RAB12: variants seen among roughly 807,000 people sequenced by gnomAD.
The protein encoded by RAB12 is ras-related protein Rab-12.
RAB12 carries 11 observed loss-of-function variants against 28.4 expected under a neutral mutation model. The observed-to-expected ratio is 0.39, with a 90% CI of 0.24 to 0.64. RAB12 has a LOEUF of 0.64. Among genes scored for constraint, RAB12 ranks in the 30% least tolerant of loss-of-function variants. The pLI is 0.50. For missense variants in RAB12, 276 were observed against 351.1 expected (o/e 0.79, Z 1.71); for synonymous variants, 138 against 145.3 (o/e 0.95, Z 0.36).
intron 1 of RAB12, among the ~76,000 whole-genome samples, chr18:8,620,122 C>CTTTT (rs1305957741): frequency 3.4e-5 from 1 of 29,300 alleles, no homozygotes; most frequent in Non-Finnish European, 6.6e-5. Flanking sequence ...ACAAAGCCTT[C>CTTTT]TTTTTTTTTT....
intron 1 of RAB12, among the ~76,000 whole-genome samples, chr18:8,618,595 C>T (rs935925911): frequency 2.2e-4 from 34 of 151,894 alleles, no homozygotes; most frequent in African/African-American, 6.8e-4. Context: ...CTGCAAGCTC[C>T]GCCTCCCGGG....
chr18:8,620,019 A>G (rs1312701254), intron 1 of RAB12, among the ~76,000 whole-genome samples: 1 of 151,830 alleles, frequency 6.6e-6, no homozygotes, highest in African/African-American at 2.4e-5. Flanking sequence ...CTGTAGACTC[A>G]GGTACTCGGG....
chr18:8,609,709 GCGGGAGCCGCATGCGTGTATGGATC>G lies in RAB12; in HGVS notation c.275_299del (p.Glu92AlafsTer55). 9.5e-7 allele frequency: 1 copy of G among 1,047,974 alleles called. No homozygotes were observed. The highest frequency in any genetic ancestry group is 1.1e-6 in the Non-Finnish European group (1 of 869,934). The allele number at this position is 1,047,974 out of a possible 1,614,324, so 64.9% of individuals were successfully genotyped here. On this transcript the variant is annotated frameshift_variant, in exon 1 of 6. Transcript: ENST00000649141. LOFTEE classifies it high-confidence loss of function. ...CGGGCGGCGGCGGGCGGCGGGCCGAGCGGGAGCCGCATGCGTGTATGGATCCGGGCGCCGCGCTGCAGAGGCGGGC... is the reference window on the plus strand; with the variant it reads ...CGGGCGGCGGCGGGCGGCGGGCCGAGCGGGCGCCGCGCTGCAGAGGCGGGC...
intron 1 of RAB12, chr18:8,610,205 G>C (rs1172092570): frequency 2.6e-6 from 1 of 385,296 alleles, no homozygotes; most frequent in African/African-American, 2.1e-5. Flanking sequence ...AGCCCCCGGG[G>C]CCTGTGGGGG....
At chr18:8,633,835 C>T (rs1026514249) in intron 3 of RAB12, among the ~76,000 whole-genome samples, 4 of 152,154 alleles carry the variant, frequency 2.6e-5, no homozygotes, top group African/African-American at 9.7e-5. Flanking sequence ...GTGATGGAAT[C>T]ATACAGATAG....
chr18:8,623,215 C>A (rs1033046420), intron 1 of RAB12, among the ~76,000 whole-genome samples: 13 of 152,146 alleles, frequency 8.5e-5, no homozygotes, highest in African/African-American at 3.1e-4. Flanking sequence ...TCGATGGAAT[C>A]TTCACAATTT....
intron 5 of RAB12, among the ~76,000 whole-genome samples, chr18:8,637,491 A>G (rs1449496841): frequency 6.6e-6 from 1 of 152,182 alleles, no homozygotes; most frequent in East Asian, 1.9e-4. Flanking sequence ...TGTGATATGA[A>G]GTGTCTTGAA....
rs1055566721 is a variant in RAB12 at position 8,639,317 on chromosome 18, G to C, written c.*1055G>C. On this transcript the variant is annotated 3_prime_UTR_variant, in exon 6 of 6. Transcript: ENST00000649141. The stretch of plus-strand genomic sequence containing the variant: ...AACTTGGTGTGTCTTGAGTGTTGTG[G>C]TATGAAAAGCATTGTGGTCTTTCTA... 2 of 151,772 alleles carry C rather than the reference G, an allele frequency of 1.3e-5. No individual in the cohort carries two copies. The highest frequency in any genetic ancestry group is 6.6e-5 in the Admixed American group (1 of 15,200). The allele number at this position is 151,772 out of a possible 1,614,324, so 9.4% of individuals were successfully genotyped here. A position where few individuals can be genotyped will look rare whatever the true frequency, so the allele number is the denominator to read the frequency against.
intron 1 of RAB12, among the ~76,000 whole-genome samples, chr18:8,616,792 G>T (rs1361279741): frequency 6.6e-6 from 1 of 152,010 alleles, no homozygotes; most frequent in East Asian, 1.9e-4. Flanking sequence ...AGCCTGGTGT[G>T]GTGGTGCACA....
chr18:8,611,478 C>G (rs993600500), intron 1 of RAB12, among the ~76,000 whole-genome samples: 1 of 152,012 alleles, frequency 6.6e-6, no homozygotes, highest in African/African-American at 2.4e-5. Context: ...CTTTAGAATG[C>G]AGAAGAGGAG....
chr18:8,629,635 T>C (rs1265875645), intron 2 of RAB12, among the ~76,000 whole-genome samples: 1 of 152,216 alleles, frequency 6.6e-6, no homozygotes, highest in East Asian at 1.9e-4. Context: ...GGCTTCACTT[T>C]ATGTGGAAAT....
rs2096020803 is a variant in RAB12 at position 8,639,144 on chromosome 18, GTTCTTTTTTTTTTTTTTTTTT to G, written c.*885_*905del. 4 of 16,558 alleles carry G rather than the reference GTTCTTTTTTTTTTTTTTTTTT, an allele frequency of 2.4e-4. No homozygotes were observed. Among genetic ancestry groups the G allele is most frequent in the Admixed American group, 2.0e-3 (2 of 1,020 alleles). 1.0% of individuals were successfully genotyped at this position (16,558 alleles called of 1,614,324 possible). A position where few individuals can be genotyped will look rare whatever the true frequency, so the allele number is the denominator to read the frequency against. On this transcript the variant is annotated 3_prime_UTR_variant, in exon 6 of 6. Coordinates refer to ENST00000649141, the MANE Select transcript of RAB12 (RefSeq NM_001025300.3). ...CTTATTCTGATTAAGCCTAGACTGT[GTTCTTTTTTTTTTTTTTTTTT>G]TTTTTTTTTTTTTTTTTTTTTTTTT...
chr18:8,638,451 A>T lies in RAB12; in HGVS notation c.*189A>T. On this transcript the variant is annotated 3_prime_UTR_variant, in exon 6 of 6. Coordinates refer to ENST00000649141, the MANE Select transcript of RAB12 (RefSeq NM_001025300.3). Reference sequence around the variant, plus strand: ...GGTTATAAGTTACCTATTTCCCTCCAAATTATTATATTTCATTCATTACCC... The same window carrying T: ...GGTTATAAGTTACCTATTTCCCTCCTAATTATTATATTTCATTCATTACCC... 1 of 559,284 alleles carries T rather than the reference A, an allele frequency of 1.8e-6. No individual in the cohort carries two copies. Among genetic ancestry groups the T allele is most frequent in the Non-Finnish European group, 3.2e-6 (1 of 311,968 alleles). The allele number at this position is 559,284 out of a possible 1,614,324, so 34.6% of individuals were successfully genotyped here. A position where few individuals can be genotyped will look rare whatever the true frequency, so the allele number is the denominator to read the frequency against.
In RAB12 at chr18:8,609,546, G is replaced by C. The variant is rs953817387; in HGVS notation, c.107G>C (p.Arg36Pro). 6.4e-6 allele frequency: 1 copy of C among 155,904 alleles called. No individual in the cohort carries two copies. The highest frequency in any genetic ancestry group is 2.4e-5 in the African/African-American group (1 of 41,074). 9.7% of individuals were successfully genotyped at this position (155,904 alleles called of 1,614,324 possible). A position where few individuals can be genotyped will look rare whatever the true frequency, so the allele number is the denominator to read the frequency against. The change falls in exon 1 of 6, where the codon CGG (arginine) becomes CCG (proline). Residue 36 changes from arginine (R) to proline (P), a missense_variant. Physicochemically the swap from Arg to Pro is moderately radical, Grantham distance 103 (BLOSUM62 -2). This residue lies in a region of RAB12 where 72 missense variants were observed against 55.5 expected (regional missense o/e 1.30). Transcript: ENST00000649141. Reference sequence around the variant, plus strand: ...GGAGGGGACCCGGGCGCAGAGAGCCGGCCGGCGGCGCAGTTGCAGCGCGGA... The same window carrying C: ...GGAGGGGACCCGGGCGCAGAGAGCCCGCCGGCGGCGCAGTTGCAGCGCGGA... The part of the protein sequence containing the change: ...GGGGDPGAES[R>P]PAAQLQRGAH...
At chr18:8,610,103 C>G in intron 1 of RAB12, 150 bp downstream of exon 1, 1 of 592,504 alleles carries the variant, frequency 1.7e-6, no homozygotes. Context: ...TTGGAGCGCC[C>G]TGCATCCCAA....
rs2096020160 is a variant in RAB12 at position 8,638,319 on chromosome 18, A to G, written c.*57A>G. The G allele has an allele frequency of 8.6e-7, 1 of 1,164,374 alleles. No individual in the cohort carries two copies. Among genetic ancestry groups the G allele is most frequent in the African/African-American group, 1.5e-5 (1 of 65,758 alleles). 72.1% of individuals were successfully genotyped at this position (1,164,374 alleles called of 1,614,324 possible). A position where few individuals can be genotyped will look rare whatever the true frequency, so the allele number is the denominator to read the frequency against. On this transcript the variant is annotated 3_prime_UTR_variant, in exon 6 of 6. Coordinates refer to ENST00000649141, the MANE Select transcript of RAB12 (RefSeq NM_001025300.3). ...TCCTGGAAAGGGGAAAAAACGTTCTATTCTGCACTACAATCATTTTGACAA... is the reference window on the plus strand; with the variant it reads ...TCCTGGAAAGGGGAAAAAACGTTCTGTTCTGCACTACAATCATTTTGACAA...
intron 1 of RAB12, among the ~76,000 whole-genome samples, chr18:8,613,592 C>T (rs981492720): frequency 2.0e-5 from 3 of 152,150 alleles, no homozygotes; most frequent in Non-Finnish European, 4.4e-5. Flanking sequence ...CATAAAATTA[C>T]ATATCTGTCA....
intron 5 of RAB12, 88 bp downstream of exon 5, chr18:8,636,445 G>GGTTTCT: frequency 3.5e-6 from 3 of 858,078 alleles, no homozygotes; most frequent in African/African-American, 1.7e-5. Flanking sequence ...TTTGTATTTA[G>GGTTTCT]AAACCAAAAT....
chr18:8,618,279 G>A (rs1236052813), intron 1 of RAB12, among the ~76,000 whole-genome samples: 1 of 152,124 alleles, frequency 6.6e-6, no homozygotes, highest in Non-Finnish European at 1.5e-5. Context: ...TCTTGTACCT[G>A]GATGCAATTT....
Sources: gnomAD v4.1 joint callset for allele counts (sites outside exome capture counted in the v4.1 genomes callset) on GRCh38, gnomAD v4.1.1 for gene constraint, gnomAD v4.1.1 regional missense constraint, MANE v1.5 for transcripts, NCBI Gene and HGNC (gene_info 2026-07-23, HGNC 2026-07-21) for gene names.